Variants in DAPK2 observed in about 807,000 individuals in gnomAD.
The protein encoded by DAPK2 is death associated protein kinase 2, also known as death-associated protein kinase 2.
DAPK2 carries 35 observed loss-of-function variants against 44.1 expected under a neutral mutation model. That is an observed-to-expected ratio of 0.79 (90% CI 0.61 to 1.05). The LOEUF (loss-of-function observed/expected upper bound fraction) is 1.05, where lower values mean the gene tolerates loss of function less well. DAPK2 is among the 50% of genes least tolerant of loss of function. DAPK2 has a pLI of 0.00. For missense variants in DAPK2, 453 were observed against 483.2 expected, an observed-to-expected ratio of 0.94 and a Z score of 0.59; for synonymous variants, 174 against 182.6, an observed-to-expected ratio of 0.95 and a Z score of 0.38.
rs1328882548 is a variant in DAPK2 at position 63,990,317 on chromosome 15, T to C, written c.93-6563A>G. 6.6e-6 allele frequency among the ~76,000 whole-genome samples: 1 copy of C among 152,044 alleles called. No individual in the cohort carries two copies. Among genetic ancestry groups the C allele is most frequent in the South Asian group, 2.1e-4 (1 of 4,826 alleles). The stretch of plus-strand genomic sequence containing the variant: ...GGTGGTGCACACCTGTAGTCCCAAC[T>C]ACTCGAAGGGTGAAGCACAATAATT... On this transcript the variant is annotated intron_variant, in intron 1 of 10. Transcript: ENST00000261891. This position sits in a 1 kb window ranked among gnomAD's most constrained non-coding sequence, Gnocchi z 4.3.
In DAPK2 at chr15:64,039,256, C is replaced by T. The variant is rs556224228; in HGVS notation, c.92+914G>A. On this transcript the variant is annotated intron_variant, in intron 1 of 10. Coordinates refer to ENST00000261891, the Ensembl canonical transcript of DAPK2. ...TCTAAATTCCCATGTTTTCATGCTG[C>T]GCTGTGTGTGAAGGGGTGAGGCTAG... is the stretch of plus-strand genomic sequence containing the variant. Among the ~76,000 whole-genome samples the T allele has an allele frequency of 5.9e-5, 9 of 152,326 alleles. No individual in the cohort carries two copies. The South Asian group carries it at 1.2e-3, about 21-fold the overall frequency.
intron 8 of DAPK2, among the ~76,000 whole-genome samples, chr15:63,915,085 A>G (rs2078892489): frequency 6.6e-6 from 1 of 152,228 alleles, no homozygotes; most frequent in African/African-American, 2.4e-5. Context: ...TAATGCTTTA[A>G]ATCATCTCTA....
At chr15:63,959,167 G>T (rs1360007712) in intron 3 of DAPK2, among the ~76,000 whole-genome samples, 2 of 152,158 alleles carry the variant, frequency 1.3e-5, no homozygotes, top group African/African-American at 2.4e-5. Flanking sequence ...TCTATTATTT[G>T]TGTACAAGAA....
Position 63,980,693 on chromosome 15 carries a change from A to T in DAPK2, c.314+2840T>A, listed in dbSNP as rs2078479179. 6.6e-6 allele frequency among the ~76,000 whole-genome samples: 1 copy of T among 152,256 alleles called. No homozygotes were observed. The highest frequency in any genetic ancestry group is 1.5e-5 in the Non-Finnish European group (1 of 68,044). On this transcript the variant is annotated intron_variant, in intron 2 of 10. Transcript: ENST00000261891. This position sits in a 1 kb window ranked among gnomAD's most constrained non-coding sequence, Gnocchi z 4.3. ...GGTTAAAAGCTAGGAAATAAAAAGC[A>T]TGTGTCCAACAATAAGGATGCTATG...
chr15:64,036,332 TATATAC>T (rs1567290241), intron 1 of DAPK2, among the ~76,000 whole-genome samples: 2 of 124,902 alleles, frequency 1.6e-5, no homozygotes, highest in South Asian at 2.4e-4. Flanking sequence ...TATATATATA[TATATAC>T]ATATATATAT....
At chr15:63,978,067 C>T (rs1311821101) in intron 2 of DAPK2, among the ~76,000 whole-genome samples, 1 of 151,994 alleles carries the variant, frequency 6.6e-6, no homozygotes. Context: ...GCACCTAGTG[C>T]AAGAAAGACA....
At chr15:63,924,641 AC>A in intron 8 of DAPK2, 174 bp downstream of exon 9, 1 of 613,696 alleles carries the variant, frequency 1.6e-6, no homozygotes, top group Non-Finnish European at 2.9e-6. Flanking sequence ...AAGCAAATAA[AC>A]CTATTCGAAT....
Position 63,923,284 on chromosome 15 carries a change from G to GGTC in DAPK2, c.858+1529_858+1531dup. On this transcript the variant is annotated intron_variant, in intron 8 of 10. Coordinates refer to ENST00000261891, the Ensembl canonical transcript of DAPK2. This position sits in a 1 kb window ranked among gnomAD's most constrained non-coding sequence, Gnocchi z 4.2. ...TGAGAGTGTACTCTCTCAGGTGCTT[G>GGTC]GTCTTCAGCTGGGTGGGCTCTGTCT... 1 of 1,535,926 alleles carries GGTC rather than the reference G, an allele frequency of 6.5e-7. No homozygotes were observed. The highest frequency in any genetic ancestry group is 2.0e-5 in the Admixed American group (1 of 50,996).
chr15:64,003,582 C>A (rs2079152903), intron 1 of DAPK2, among the ~76,000 whole-genome samples: 1 of 151,860 alleles, frequency 6.6e-6, no homozygotes, highest in African/African-American at 2.4e-5. Context: ...TCTTTTCTTT[C>A]TTTTCCTTCC....
At chr15:63,970,935 G>T (rs888660367) in intron 3 of DAPK2, among the ~76,000 whole-genome samples, 2 of 152,184 alleles carry the variant, frequency 1.3e-5, no homozygotes, top group Non-Finnish European at 2.9e-5. Flanking sequence ...AGTAGGGGTT[G>T]TGAGTTGGGG....
intron 1 of DAPK2, among the ~76,000 whole-genome samples, chr15:64,028,265 G>C (rs1161466955): frequency 1.3e-5 from 2 of 152,196 alleles, no homozygotes; most frequent in Non-Finnish European, 1.5e-5. Flanking sequence ...CGCCATGTTG[G>C]CCATACTTGT....
At chr15:64,041,343 G>T (rs2080349219), upstream of DAPK2, among the ~76,000 whole-genome samples, 1 of 152,158 alleles carries the variant, frequency 6.6e-6, no homozygotes, top group Non-Finnish European at 1.5e-5. Flanking sequence ...AACTCTGCCT[G>T]CCCCAGGCAT....
intron 1 of DAPK2, among the ~76,000 whole-genome samples, chr15:64,030,657 G>A (rs1191870585): frequency 2.6e-5 from 4 of 152,010 alleles, no homozygotes; most frequent in Non-Finnish European, 5.9e-5. Flanking sequence ...ACCACCCTGA[G>A]CCCTGGGCCT....
At chr15:64,046,343 GGGA>G (rs2080465087), upstream of DAPK2, 5 of 165,800 alleles carry the variant, frequency 3.0e-5, no homozygotes, top group African/African-American at 4.2e-4. The surrounding 1 kb of genome is among the most constrained non-coding windows in gnomAD (Gnocchi z 5.3). Flanking sequence ...CAGGCGCGGC[GGGA>G]GCGGCGGGCG....
intron 2 of DAPK2, among the ~76,000 whole-genome samples, chr15:63,972,879 A>T (rs571017023): frequency 3.9e-5 from 6 of 152,352 alleles, no homozygotes; most frequent in African/African-American, 9.6e-5. Context: ...TGATAAAAAG[A>T]TTAATATGGC....
chr15:63,942,818 C>G (rs2077345602), intron 3 of DAPK2, among the ~76,000 whole-genome samples: 1 of 152,020 alleles, frequency 6.6e-6, no homozygotes. Flanking sequence ...ACCACCCTCC[C>G]CAGTTCCCAA....
Position 64,046,202 on chromosome 15 carries a change from G to A in DAPK2, c.-7+96C>T, listed in dbSNP as rs1016094678. 1.9e-5 allele frequency: 8 copies of A among 428,992 alleles called. No homozygotes were observed. The highest frequency in any genetic ancestry group is 2.1e-5 in the African/African-American group (1 of 47,058). The allele number at this position is 428,992 out of a possible 1,614,324, so 26.6% of individuals were successfully genotyped here. ...CCGGGATCTGCGAGCGAGTGCCCCG[G>A]ATCTCTTCGCCCCGCCAGCCCCAGA... On this transcript the variant is annotated intron_variant, in intron 1 of 11. Transcript: ENST00000457488. The surrounding 1 kb of genome is among the most constrained non-coding windows in gnomAD (Gnocchi z 5.3).
chr15:64,027,553 C>A lies in DAPK2; in HGVS notation c.92+12617G>T, dbSNP rs189884267. ...CTCCAGCCTGGGTGACAGAGCAAGA[C>A]CCTGTCTCAAAAAAAGAAAAGAAAA... is the stretch of plus-strand genomic sequence containing the variant. On this transcript the variant is annotated intron_variant, in intron 1 of 10. Transcript: ENST00000261891. Among the ~76,000 whole-genome samples the A allele has an allele frequency of 9.2e-5, 14 of 152,038 alleles. No individual in the cohort carries two copies. In the East Asian group the frequency reaches 2.1e-3, roughly 23 times the overall value.
chr15:63,953,127 C>A (rs1289800573), intron 3 of DAPK2, among the ~76,000 whole-genome samples: 1 of 151,836 alleles, frequency 6.6e-6, no homozygotes, highest in Admixed American at 6.6e-5. Flanking sequence ...TTATACCTCA[C>A]CCCCCTCCCA....
Sources: allele counts gnomAD v4.1 joint callset (sites outside exome capture counted in the v4.1 genomes callset), GRCh38; gene constraint gnomAD v4.1.1; non-coding constraint Gnocchi (gnomAD v3.1); transcripts MANE v1.5; gene names NCBI Gene and HGNC (gene_info 2026-07-23, HGNC 2026-07-21).